The following ABCA7 variants were observed in gnomAD, a reference collection of about 807,000 sequenced individuals.
ABCA7 encodes ATP binding cassette subfamily A member 7.
In ABCA7, 261 loss-of-function variants were observed where a neutral mutation model predicts 227.6. The ratio of observed to expected loss-of-function variants is 1.15; its 90% confidence interval spans 1.04 to 1.27. The LOEUF (loss-of-function observed/expected upper bound fraction) is 1.27. Ranked by LOEUF, ABCA7 falls within the 50% of genes most tolerant of loss-of-function variation. The probability of loss-of-function intolerance (pLI) is 0.00; values close to 1 mark genes in which losing one functional copy is unlikely to be tolerated. For synonymous variants in ABCA7, 1,488 were observed against 1,279.7 expected (o/e 1.16, Z -3.47); for missense variants, 3,331 against 2,924.5 (o/e 1.14, Z -3.21).
rs770163907 is a variant in ABCA7 at position 1,064,985 on chromosome 19, GGCAGCGGCCTTC to G, written c.6101_6112del (p.Ala2034_Phe2037del). 7.1e-6 allele frequency: 11 copies of G among 1,554,884 alleles called. No individual in the cohort carries two copies. The highest frequency in any genetic ancestry group is 1.8e-4 in the Middle Eastern group (1 of 5,470). On this transcript the variant is annotated inframe_deletion, in exon 46 of 47. Coordinates refer to ENST00000263094, the MANE Select transcript of ABCA7 (RefSeq NM_019112.4). ...GGGTGCCCGCCGCAAGGTCCCAGCC[GGCAGCGGCCTTC>G]GTGGCGGCCGAGTTCCCTGGGGCGG... is the stretch of plus-strand genomic sequence containing the variant.
At chr19:1,053,976 C>A in intron 25 of ABCA7, 30 bp from the exon 26 acceptor site, 4 of 1,612,144 alleles carry the variant, frequency 2.5e-6, no homozygotes. Context: ...TGACCCTCAA[C>A]TTTGACCCTG....
At chr19:1,061,261 G>T (rs1391088149) in intron 40 of ABCA7, among the ~76,000 whole-genome samples, 1 of 151,870 alleles carries the variant, frequency 6.6e-6, no homozygotes, top group Non-Finnish European at 1.5e-5. Flanking sequence ...GCCGGGCTTG[G>T]TGGCACACGC....
rs758004382 is a variant in ABCA7, at chr19:1,051,553, G to A, written c.2929G>A (p.Gly977Ser). The A allele has an allele frequency of 1.6e-5, 26 of 1,612,434 alleles. No homozygotes were observed. Among genetic ancestry groups the A allele is most frequent in the Admixed American group, 5.0e-5 (3 of 59,984 alleles). The stretch of plus-strand genomic sequence containing the variant: ...TGGCGTGGATCCTGCTTCCCGCCGC[G>A]GTATTTGGGAGCTGCTGCTCAAATA... ...TAGVDPASRR[G>S]IWELLLKYRE... The change falls in exon 21 of 47, where the codon GGT (glycine) becomes AGT (serine). Residue 977 changes from glycine (G) to serine (S), a missense_variant. Gly to Ser is a moderately conservative substitution (Grantham distance 56). Coordinates refer to ENST00000263094, the MANE Select transcript of ABCA7 (RefSeq NM_019112.4).
chr19:1,053,504 C>G lies in ABCA7; in HGVS notation c.3396C>G (p.Tyr1132Ter). The change falls in exon 24 of 47, where the codon TAC becomes TAG. Residue 1132 changes from tyrosine to a stop codon, truncating the protein, a stop_gained. Coordinates refer to ENST00000263094, the MANE Select transcript of ABCA7 (RefSeq NM_019112.4). LOFTEE classifies it high-confidence loss of function. ...TGGCGGAGCTGAGGCTCACTGGCTA[C>G]GGGATCTCCGACACCAGCCTCGAGG... ...TRLAELRLTG[Y>*]GISDTSLEEI... 6.4e-7 allele frequency: 1 copy of G among 1,574,296 alleles called. No individual in the cohort carries two copies. The highest frequency in any genetic ancestry group is 8.6e-7 in the Non-Finnish European group (1 of 1,164,744).
chr19:1,064,805 G>T, intron 45 of ABCA7, 126 bp from the exon 46 acceptor site: 1 of 1,387,356 alleles, frequency 7.2e-7, no homozygotes, highest in Non-Finnish European at 9.4e-7. Flanking sequence ...TGAGACGGGA[G>T]GACCACTTGA....
Position 1,042,775 on chromosome 19 carries a change from C to T in ABCA7, c.528C>T (p.Ala176=). ...TESLGLALGQ[A]QEPLHSLLEA... is the part of the protein sequence containing the mutation. ...CCCTGGGGTTGGCACTGGGCCAAGCCCAGGAGCCCTTGCACAGCTTGTTGG... is the reference window on the plus strand; with the variant it reads ...CCCTGGGGTTGGCACTGGGCCAAGCTCAGGAGCCCTTGCACAGCTTGTTGG... Residue 176 remains alanine (A), a synonymous_variant, in exon 7 of 47, where the codon GCC becomes GCT. Transcript: ENST00000263094. 1 of 1,613,392 alleles carries T rather than the reference C, an allele frequency of 6.2e-7. No individual in the cohort carries two copies. Among genetic ancestry groups the T allele is most frequent in the Non-Finnish European group, 8.5e-7 (1 of 1,179,960 alleles).
chr19:1,062,198 A>T lies in ABCA7; in HGVS notation c.5597A>T (p.His1866Leu), dbSNP rs749625643. 1.2e-6 allele frequency: 2 copies of T among 1,612,284 alleles called. No individual in the cohort carries two copies. The highest frequency in any genetic ancestry group is 3.3e-5 in the Admixed American group (2 of 59,998). ...GTGGCCCGGGAACCCAGTGCTGCGC[A>T]CCTCAGCATGGGATACTGCCCTCAA... is the stretch of plus-strand genomic sequence containing the variant. ...HSVAREPSAA[H>L]LSMGYCPQSD... Residue 1866 changes from histidine (H) to leucine (L), a missense_variant, in exon 42 of 47, where the codon CAC becomes CTC. Physicochemically the swap from His to Leu is moderately conservative, Grantham distance 99. Transcript: ENST00000263094.
chr19:1,046,879 AG>A lies in ABCA7; in HGVS notation c.1702del (p.Ala568ProfsTer26). ...ATCTACTCCGTGACACTGACAGTGA[AG>A]GCCGTGGTGCGGGAGAAGGAGACGC... is the stretch of plus-strand genomic sequence containing the variant. ...AWIYSVTLTV[K>X]AVVREKETRL... is the part of the protein sequence containing the mutation. On this transcript the variant is annotated frameshift_variant, in exon 14 of 47. Coordinates refer to ENST00000263094, the MANE Select transcript of ABCA7 (RefSeq NM_019112.4). LOFTEE classifies it high-confidence loss of function. The A allele has an allele frequency of 6.5e-7, 1 of 1,547,304 alleles. No individual in the cohort carries two copies. The highest frequency in any genetic ancestry group is 1.2e-5 in the South Asian group (1 of 84,586).
At chr19:1,040,828 T>A (rs1359519795) in intron 1 of ABCA7, among the ~76,000 whole-genome samples, 1 of 152,144 alleles carries the variant, frequency 6.6e-6, no homozygotes, top group African/African-American at 2.4e-5. Context: ...CGGTTTCCAC[T>A]TCTGTAGAGT....
chr19:1,051,869 C>G, intron 21 of ABCA7, 73 bp from the exon 22 acceptor site: 2 of 1,564,500 alleles, frequency 1.3e-6, no homozygotes, highest in Non-Finnish European at 1.7e-6. Flanking sequence ...GCAGACAACT[C>G]CTGGCAGAGG....
chr19:1,057,326 G>C lies in ABCA7; in HGVS notation c.4777G>C (p.Val1593Leu). The C allele has an allele frequency of 6.2e-7, 1 of 1,613,900 alleles. No individual in the cohort carries two copies. Among genetic ancestry groups the C allele is most frequent in the Non-Finnish European group, 8.5e-7 (1 of 1,180,014 alleles). The change falls in exon 35 of 47, where the codon GTG becomes CTG. Residue 1593 changes from valine to leucine, a missense_variant. Val to Leu is a conservative substitution (Grantham distance 32, BLOSUM62 1). Transcript: ENST00000263094. ...NFLWDMCNYLVPACIVVLIFL... is the reference protein window; with the variant it reads ...NFLWDMCNYLLPACIVVLIFL... ...ATCTCCAATGCAGTGTAACTACTTG[G>C]TGCCAGCATGCATCGTGGTGCTCAT... is the stretch of plus-strand genomic sequence containing the variant.
chr19:1,047,278 C>A lies in ABCA7; in HGVS notation c.1967C>A (p.Ala656Asp). 1 of 1,605,728 alleles carries A rather than the reference C, an allele frequency of 6.2e-7. No individual in the cohort carries two copies. ...LSAFFSRANL[A>D]AACGGLAYFS... The stretch of plus-strand genomic sequence containing the variant: ...GCCTTCTTCTCCCGCGCCAACCTGG[C>A]TGCGGCCTGCGGCGGCCTGGCCTAC... Residue 656 changes from alanine to aspartate, a missense_variant, in exon 15 of 47, where the codon GCT (alanine) becomes GAT (aspartate). By Grantham distance (126) the Ala-to-Asp change is moderately radical (BLOSUM62 -2). Coordinates refer to ENST00000263094, the MANE Select transcript of ABCA7 (RefSeq NM_019112.4).
intron 37 of ABCA7, 103 bp downstream of exon 37, chr19:1,058,372 A>G: frequency 6.6e-7 from 1 of 1,510,736 alleles, no homozygotes; most frequent in Non-Finnish European, 8.8e-7. Context: ...CCCCAGGGAG[A>G]CAGCCAGGGT....
Position 1,056,130 on chromosome 19 carries a change from T to C in ABCA7, c.4303T>C (p.Ser1435Pro). Residue 1435 changes from serine (S) to proline (P), a missense_variant, in exon 32 of 47, where the codon TCA becomes CCA. Coordinates refer to ENST00000263094, the MANE Select transcript of ABCA7 (RefSeq NM_019112.4). The surrounding 1 kb of genome is among the most constrained non-coding windows in gnomAD (Gnocchi z 4.3). The part of the protein sequence containing the change: ...GLPSGQELGR[S>P]VEELWALLSP... ...GCCCTCGGGCCAAGAGTTGGGCCGC[T>C]CAGTGGAGGAGTTGTGGGCGCTGCT... is the stretch of plus-strand genomic sequence containing the variant. The C allele has an allele frequency of 6.2e-7, 1 of 1,609,592 alleles. No homozygotes were observed. The highest frequency in any genetic ancestry group is 1.1e-5 in the South Asian group (1 of 90,910).
In ABCA7 at chr19:1,063,648, G is replaced by T. The variant is rs554970900; in HGVS notation, c.5817G>T (p.Ala1939=). Residue 1939 remains alanine, a synonymous_variant, in exon 43 of 47, where the codon GCG becomes GCT. Coordinates refer to ENST00000263094, the MANE Select transcript of ABCA7 (RefSeq NM_019112.4). ...AACGCAAGCTGGCGACGGCCCTGGC[G>T]CTGGTTGGGGACCCAGCCGTGGTGT... ...GNKRKLATAL[A]LVGDPAVVFL... is the part of the protein sequence containing the mutation. 5.0e-6 allele frequency: 8 copies of T among 1,609,466 alleles called. No individual in the cohort carries two copies. The highest frequency in any genetic ancestry group is 1.7e-4 in the Middle Eastern group (1 of 6,052).
At position 1,047,393 on chromosome 19, in the gene ABCA7, G is replaced by A. The variant is rs979093122; in HGVS notation, c.2067+15G>A. ...GCGTGGCCGCGGTGAGAGCCGGGTCGGGCGTGGATGGGGGACGCCCCCCGC... is the reference window on the plus strand; with the variant it reads ...GCGTGGCCGCGGTGAGAGCCGGGTCAGGCGTGGATGGGGGACGCCCCCCGC... On this transcript the variant is annotated intron_variant, in intron 15 of 46. Coordinates refer to ENST00000263094, the MANE Select transcript of ABCA7 (RefSeq NM_019112.4). The A allele has an allele frequency of 1.9e-6, 3 of 1,553,786 alleles. No individual in the cohort carries two copies. The highest frequency in any genetic ancestry group is 2.6e-6 in the Non-Finnish European group (3 of 1,155,490).
chr19:1,044,055 A>G (rs1376596829), intron 10 of ABCA7, among the ~76,000 whole-genome samples: 2 of 145,062 alleles, frequency 1.4e-5, no homozygotes, highest in Non-Finnish European at 3.0e-5. Context: ...CTCCTGTCTC[A>G]CCCTCTGAGT....
Position 1,045,032 on chromosome 19 carries a change from C to T in ABCA7, c.1246C>T (p.Pro416Ser). 1 of 1,612,816 alleles carries T rather than the reference C, an allele frequency of 6.2e-7. No individual in the cohort carries two copies. The highest frequency in any genetic ancestry group is 8.5e-7 in the Non-Finnish European group (1 of 1,179,952). The change falls in exon 12 of 47, where the codon CCC (proline) becomes TCC (serine). Residue 416 changes from proline to serine, a missense_variant. Transcript: ENST00000263094. ...CLSLDKLEAA[P>S]SEAALVSRAL... Reference sequence around the variant, plus strand: ...GTCCTTGGACAAGCTGGAGGCGGCACCCTCAGAGGCAGCCCTGGTGTCGCG... The same window carrying T: ...GTCCTTGGACAAGCTGGAGGCGGCATCCTCAGAGGCAGCCCTGGTGTCGCG...
chr19:1,049,127 G>C, intron 17 of ABCA7, 122 bp downstream of exon 17: 1 of 1,080,118 alleles, frequency 9.3e-7, no homozygotes, highest in Non-Finnish European at 1.4e-6. Flanking sequence ...CTGCCCTGAA[G>C]ACACTGCGGT....
Sources: allele counts gnomAD v4.1 joint callset (sites outside exome capture counted in the v4.1 genomes callset), GRCh38; gene constraint gnomAD v4.1.1; non-coding constraint Gnocchi (gnomAD v3.1); transcripts MANE v1.5; gene names NCBI Gene and HGNC (gene_info 2026-07-23, HGNC 2026-07-21).